Variants in FAM171A1 observed in about 807,000 individuals in gnomAD.
FAM171A1 encodes protein FAM171A1.
In FAM171A1, 23 loss-of-function variants were observed where a neutral mutation model predicts 74.9. The observed-to-expected ratio is 0.31, with a 90% CI of 0.22 to 0.44. The LOEUF is 0.44. Among genes scored for constraint, FAM171A1 ranks in the 20% least tolerant of loss-of-function variants. The pLI is 1.00. For synonymous variants in FAM171A1, 527 were observed against 505.7 expected (o/e 1.04, Z -0.57); for missense variants, 1,162 against 1,159.2 (o/e 1.00, Z -0.03).
Position 15,273,465 on chromosome 10 carries a change from A to G in FAM171A1, c.418+2390T>C, listed in dbSNP as rs574266434. On this transcript the variant is annotated intron_variant, in intron 3 of 7. Coordinates refer to ENST00000378116, the MANE Select transcript of FAM171A1 (RefSeq NM_001010924.2). ...CACAGACGAATTCTACAAGAGCTAC[A>G]AAGAGGAGCTGGTACCATTCCTTGT... Among the ~76,000 whole-genome samples, 8 of 152,344 alleles carry G rather than the reference A, an allele frequency of 5.3e-5. No homozygotes were observed. The South Asian group carries it at 1.7e-3, about 32-fold the overall frequency.
chr10:15,363,496 C>T (rs140193892), intron 1 of FAM171A1, among the ~76,000 whole-genome samples: 71 of 152,262 alleles, frequency 4.7e-4, no homozygotes, highest in African/African-American at 1.7e-3. Flanking sequence ...GCAAGGTCAT[C>T]GGCCTTAAAA....
chr10:15,245,247 A>G (rs1285123455), intron 5 of FAM171A1, among the ~76,000 whole-genome samples: 2 of 152,050 alleles, frequency 1.3e-5, no homozygotes, highest in Non-Finnish European at 1.5e-5. Flanking sequence ...TTGTATTTTT[A>G]GTAAAGATGG....
At chr10:15,370,161 G>C (rs921662291) in intron 1 of FAM171A1, among the ~76,000 whole-genome samples, 3 of 151,814 alleles carry the variant, frequency 2.0e-5, no homozygotes. Flanking sequence ...TACTCCCAGG[G>C]CTGGAAAGCA....
chr10:15,272,514 C>A (rs537613771), intron 3 of FAM171A1, among the ~76,000 whole-genome samples: 2 of 152,238 alleles, frequency 1.3e-5, no homozygotes, highest in South Asian at 2.1e-4. Flanking sequence ...ATATCCAGGA[C>A]TTGAACTCAG....
intron 3 of FAM171A1, among the ~76,000 whole-genome samples, chr10:15,275,598 G>C (rs930403292): frequency 2.7e-4 from 41 of 151,940 alleles, no homozygotes; most frequent in African/African-American, 9.7e-4. Flanking sequence ...GATTTTAGTA[G>C]GTGGCCCAAA....
chr10:15,267,601 C>CAAA (rs71390026), intron 3 of FAM171A1, among the ~76,000 whole-genome samples: 42 of 53,344 alleles, frequency 7.9e-4, no homozygotes, highest in East Asian at 2.1e-3. Flanking sequence ...GACACCATCG[C>CAAA]AAAAAAAAAA....
At chr10:15,340,409 C>A (rs534040399) in intron 1 of FAM171A1, among the ~76,000 whole-genome samples, 18 of 152,262 alleles carry the variant, frequency 1.2e-4, no homozygotes, top group African/African-American at 4.3e-4. Context: ...GTATCATGTC[C>A]CACTATATTG....
chr10:15,330,481 G>A (rs2131857929), intron 1 of FAM171A1, among the ~76,000 whole-genome samples: 1 of 152,260 alleles, frequency 6.6e-6, no homozygotes, highest in Non-Finnish European at 1.5e-5. Flanking sequence ...AGAGATGACA[G>A]ATACTCAGAT....
At chr10:15,230,133 C>T (rs2131730735) in intron 5 of FAM171A1, among the ~76,000 whole-genome samples, 1 of 152,308 alleles carries the variant, frequency 6.6e-6, no homozygotes, top group Admixed American at 6.5e-5. Flanking sequence ...CATAGAATCA[C>T]ATTAAAATCA....
At chr10:15,262,720 C>G (rs1834674244) in intron 3 of FAM171A1, among the ~76,000 whole-genome samples, 2 of 152,154 alleles carry the variant, frequency 1.3e-5, no homozygotes, top group Non-Finnish European at 2.9e-5. Context: ...AATGGCAAAG[C>G]CTTCAGTGAT....
At chr10:15,215,538 G>A (rs1193281962) in intron 7 of FAM171A1, among the ~76,000 whole-genome samples, 1 of 152,076 alleles carries the variant, frequency 6.6e-6, no homozygotes, top group Admixed American at 6.6e-5. Context: ...GCTAATTTTT[G>A]TATTTTTGGT....
Position 15,273,954 on chromosome 10 carries a change from A to T in FAM171A1, c.418+1901T>A, listed in dbSNP as rs531186222. On this transcript the variant is annotated intron_variant, in intron 3 of 7. Coordinates refer to ENST00000378116, the MANE Select transcript of FAM171A1 (RefSeq NM_001010924.2). ...CAGTGAACGGGCAAAAACTGGAAGC[A>T]CTCCCTTTGAAAACTGGCATAAGAC... Among the ~76,000 whole-genome samples, 5 of 152,204 alleles carry T rather than the reference A, an allele frequency of 3.3e-5. No individual in the cohort carries two copies. In the South Asian group the frequency reaches 1.0e-3, roughly 32 times the overall value.
chr10:15,357,705 C>T (rs573565415), intron 1 of FAM171A1, among the ~76,000 whole-genome samples: 7 of 152,224 alleles, frequency 4.6e-5, no homozygotes, highest in African/African-American at 1.4e-4. Flanking sequence ...ATGCCTGAGA[C>T]ACACTTTAAA....
intron 4 of FAM171A1, among the ~76,000 whole-genome samples, chr10:15,249,828 C>T (rs1834485558): frequency 6.6e-6 from 1 of 152,092 alleles, no homozygotes; most frequent in Non-Finnish European, 1.5e-5. Context: ...CTTATGAGAC[C>T]GATATATTTA....
At chr10:15,310,925 G>T (rs1835352904) in intron 1 of FAM171A1, among the ~76,000 whole-genome samples, 1 of 152,164 alleles carries the variant, frequency 6.6e-6, no homozygotes, top group African/African-American at 2.4e-5. Context: ...CTCTGTGGCA[G>T]GATGGACCCC....
At chr10:15,330,556 G>C (rs1162938518) in intron 1 of FAM171A1, among the ~76,000 whole-genome samples, 1 of 151,976 alleles carries the variant, frequency 6.6e-6, no homozygotes, top group Admixed American at 6.6e-5. Context: ...AATAAGTGTT[G>C]TGCAACCAAT....
rs564269771 is a variant in FAM171A1 at position 15,370,874 on chromosome 10, C to CCCGCCGCCGCCGCCGCCGCCG, written c.97+61_97+81dup. On this transcript the variant is annotated intron_variant, in intron 1 of 7. Coordinates refer to ENST00000378116, the MANE Select transcript of FAM171A1 (RefSeq NM_001010924.2). ...TCGCCACCACGCGGCCCGGGACCCT[C>CCCGCCGCCGCCGCCGCCGCCG]CCGCCGCCGCCGCCGCCGCCGCCGC... is the stretch of plus-strand genomic sequence containing the variant. The CCCGCCGCCGCCGCCGCCGCCG allele has an allele frequency of 4.6e-6, 3 of 648,552 alleles. No homozygotes were observed. In the African/African-American group the frequency reaches 6.3e-5, roughly 14 times the overall value. The allele number at this position is 648,552 out of a possible 1,614,324, so 40.2% of individuals were successfully genotyped here. A position where few individuals can be genotyped will look rare whatever the true frequency, so the allele number is the denominator to read the frequency against.
intron 2 of FAM171A1, among the ~76,000 whole-genome samples, chr10:15,282,572 T>C (rs1409742140): frequency 2.6e-5 from 4 of 152,200 alleles, no homozygotes; most frequent in Non-Finnish European, 5.9e-5. Context: ...CCATAACTAC[T>C]GTGAACAACG....
chr10:15,306,391 G>A (rs1835295575), intron 1 of FAM171A1, among the ~76,000 whole-genome samples: 1 of 150,452 alleles, frequency 6.6e-6, no homozygotes, highest in African/African-American at 2.4e-5. Flanking sequence ...TTGAGAGACA[G>A]TCTTGCTCTG....
Sources: gnomAD v4.1 joint callset for allele counts (sites outside exome capture counted in the v4.1 genomes callset) on GRCh38, gnomAD v4.1.1 for gene constraint, MANE v1.5 for transcripts, NCBI Gene and HGNC (gene_info 2026-07-23, HGNC 2026-07-21) for gene names.